Variants in ENOX1 observed in about 807,000 individuals in gnomAD.
ENOX1 encodes candidate growth-related and time keeping constitutive hydroquinone (NADH) oxidase.
In ENOX1, 42 loss-of-function variants were observed where a neutral mutation model predicts 82.5. The observed-to-expected ratio is 0.51, with a 90% CI of 0.40 to 0.66. The LOEUF is 0.66. Among genes scored for constraint, ENOX1 ranks in the 30% least tolerant of loss-of-function variants. ENOX1 has a pLI of 0.00. For synonymous variants in ENOX1, 271 were observed against 282.2 expected (o/e 0.96, Z 0.40); for missense variants, 608 against 811.6 (o/e 0.75, Z 3.05).
chr13:43,233,527 G>A (rs1282099526), intron 15 of ENOX1, among the ~76,000 whole-genome samples: 1 of 152,182 alleles, frequency 6.6e-6, no homozygotes, highest in Non-Finnish European at 1.5e-5. Flanking sequence ...CTTTTGCCCA[G>A]ATAAATCAGT....
intron 5 of ENOX1, among the ~76,000 whole-genome samples, chr13:43,389,593 C>T (rs2052642384): frequency 6.6e-6 from 1 of 152,028 alleles, no homozygotes; most frequent in South Asian, 2.1e-4. Flanking sequence ...TTAAAAATGA[C>T]ATTATCCACA....
At chr13:43,712,058 T>C (rs1011310611) in intron 1 of ENOX1, among the ~76,000 whole-genome samples, 1 of 151,914 alleles carries the variant, frequency 6.6e-6, no homozygotes, top group Non-Finnish European at 1.5e-5. Flanking sequence ...GTTTTAGATC[T>C]AACATTTAAG....
At chr13:43,643,172 G>C (rs916307508) in intron 2 of ENOX1, among the ~76,000 whole-genome samples, 7 of 152,178 alleles carry the variant, frequency 4.6e-5, no homozygotes, top group Non-Finnish European at 7.3e-5. Context: ...TTGAGGGCAG[G>C]GGTTAGATTC....
At chr13:43,540,406 T>C (rs1174286168) in intron 2 of ENOX1, among the ~76,000 whole-genome samples, 2 of 152,152 alleles carry the variant, frequency 1.3e-5, no homozygotes, top group Non-Finnish European at 2.9e-5. Context: ...AGATCTCTGA[T>C]GCAGGCTCTC....
intron 3 of ENOX1, among the ~76,000 whole-genome samples, chr13:43,459,635 T>C (rs1165332395): frequency 1.3e-5 from 2 of 152,124 alleles, no homozygotes; most frequent in Non-Finnish European, 2.9e-5. Flanking sequence ...CTAGGAGCCA[T>C]ATGTTAGTTC....
chr13:43,718,867 AC>A (rs1342059971), intron 1 of ENOX1, among the ~76,000 whole-genome samples: 1 of 152,140 alleles, frequency 6.6e-6, no homozygotes, highest in Non-Finnish European at 1.5e-5. Flanking sequence ...AAGGTTTTAC[AC>A]ATTTATAGTT....
chr13:43,696,166 A>C (rs1192018176), intron 1 of ENOX1, among the ~76,000 whole-genome samples: 1 of 152,212 alleles, frequency 6.6e-6, no homozygotes, highest in East Asian at 1.9e-4. Flanking sequence ...GTATAGATAT[A>C]TTAATACCAG....
At chr13:43,380,926 G>A (rs2051998323) in intron 5 of ENOX1, among the ~76,000 whole-genome samples, 1 of 151,602 alleles carries the variant, frequency 6.6e-6, no homozygotes, top group African/African-American at 2.4e-5. Context: ...CTAATAAAAT[G>A]GAAAGCTGAA....
intron 2 of ENOX1, among the ~76,000 whole-genome samples, chr13:43,605,165 A>G (rs9533547): frequency 0.13 from 20,268 of 152,166 alleles, 1,882 homozygotes; most frequent in East Asian, 0.47. Flanking sequence ...TGAAGAGAAC[A>G]CAAAAAATGG....
chr13:43,345,997 G>A (rs1305435835), intron 8 of ENOX1, among the ~76,000 whole-genome samples: 3 of 152,136 alleles, frequency 2.0e-5, no homozygotes, highest in Non-Finnish European at 4.4e-5. Flanking sequence ...GACAGGGGGA[G>A]ATGCATGCTT....
intron 1 of ENOX1, among the ~76,000 whole-genome samples, chr13:43,721,914 G>T (rs986789336): frequency 3.3e-5 from 5 of 152,092 alleles, no homozygotes; most frequent in Non-Finnish European, 7.3e-5. Context: ...GGTGTATAAG[G>T]ACGAAAGATC....
chr13:43,371,248 T>C (rs1223913570), intron 5 of ENOX1, among the ~76,000 whole-genome samples: 1 of 152,232 alleles, frequency 6.6e-6, no homozygotes, highest in East Asian at 1.9e-4. Context: ...TATTAAATAT[T>C]GAGAAATATT....
At chr13:43,274,251 T>C (rs2044869371) in intron 12 of ENOX1, among the ~76,000 whole-genome samples, 1 of 152,248 alleles carries the variant, frequency 6.6e-6, no homozygotes, top group Non-Finnish European at 1.5e-5. Context: ...AATTACGTAA[T>C]TTATTCTTCA....
intron 3 of ENOX1, among the ~76,000 whole-genome samples, chr13:43,419,023 C>T (rs988364402): frequency 3.3e-5 from 5 of 151,990 alleles, no homozygotes; most frequent in Admixed American, 2.0e-4. Flanking sequence ...ACTAAAAATA[C>T]AAAACTTAGC....
chr13:43,655,771 C>T (rs77090607), intron 2 of ENOX1, among the ~76,000 whole-genome samples: 1,884 of 152,286 alleles, frequency 0.012, 34 homozygotes, highest in African/African-American at 0.043. Context: ...CTCTGTTCTC[C>T]AGATAGCAGG....
chr13:43,443,795 C>A (rs1566233707), intron 3 of ENOX1, among the ~76,000 whole-genome samples: 1 of 152,146 alleles, frequency 6.6e-6, no homozygotes, highest in Non-Finnish European at 1.5e-5. Flanking sequence ...AGGATCAGAC[C>A]AGGCGAAGGA....
At chr13:43,343,363 G>C (rs1416581452) in intron 9 of ENOX1, among the ~76,000 whole-genome samples, 1 of 152,194 alleles carries the variant, frequency 6.6e-6, no homozygotes, top group Non-Finnish European at 1.5e-5. Flanking sequence ...GTGAATCTAG[G>C]TAATGTGGTC....
intron 9 of ENOX1, among the ~76,000 whole-genome samples, chr13:43,339,551 C>T (rs1361483231): frequency 6.6e-6 from 1 of 152,198 alleles, no homozygotes; most frequent in Non-Finnish European, 1.5e-5. Flanking sequence ...CGGCCTGCTC[C>T]ACTAGTTAGC....
chr13:43,399,261 T>C, intron 5 of ENOX1, among the ~76,000 whole-genome samples: 1 of 152,118 alleles, frequency 6.6e-6, no homozygotes, highest in Non-Finnish European at 1.5e-5. Flanking sequence ...AGTCAAAACT[T>C]ATATGTAAGT....
Sources: gnomAD v4.1 joint callset for allele counts (sites outside exome capture counted in the v4.1 genomes callset) on GRCh38, gnomAD v4.1.1 for gene constraint, MANE v1.5 for transcripts, NCBI Gene and HGNC (gene_info 2026-07-23, HGNC 2026-07-21) for gene names.